Variants in BCL9 observed in about 807,000 individuals in gnomAD.
BCL9 encodes the protein BCL9 transcription coactivator.
BCL9 carries 25 observed loss-of-function variants against 88.5 expected under a neutral mutation model. The ratio of observed to expected loss-of-function variants is 0.28; its 90% CI spans 0.21 to 0.39. The LOEUF is 0.39. BCL9 is among the 10% of genes least tolerant of loss of function. The probability of loss-of-function intolerance (pLI) is 1.00; values close to 1 mark genes in which losing one functional copy is unlikely to be tolerated. For synonymous variants in BCL9, 711 were observed against 673.3 expected (o/e 1.06, Z -0.87); for missense variants, 1,817 against 1,877.8 (o/e 0.97, Z 0.60).
intron 4 of BCL9, among the ~76,000 whole-genome samples, chr1:147,612,239 G>A (rs781962440): frequency 2.0e-5 from 3 of 152,182 alleles, no homozygotes; most frequent in Admixed American, 6.5e-5. Context: ...GCCTAATGTC[G>A]TAGAACTAAA....
intron 1 of BCL9, among the ~76,000 whole-genome samples, chr1:147,603,255 C>T (rs1458125824): frequency 1.3e-5 from 2 of 152,144 alleles, no homozygotes; most frequent in African/African-American, 2.4e-5. Context: ...ATGCCTCTCT[C>T]CCTTTAGTGG....
chr1:147,624,584 C>T lies in BCL9; in HGVS notation c.3906C>T (p.Ile1302=), dbSNP rs782274473. Residue 1302 remains isoleucine, a synonymous_variant, in exon 10 of 10, where the codon ATC becomes ATT. Coordinates refer to ENST00000234739, the MANE Select transcript of BCL9 (RefSeq NM_004326.4). This position sits in a 1 kb window ranked among gnomAD's most constrained non-coding sequence, Gnocchi z 4.4. ...CAGGGCCAGTGGGAACTCCGGACAT[C>T]CCTCTTGGTACAGCTCCATCCATGC... ...GGPGPVGTPD[I]PLGTAPSMPG... The T allele has an allele frequency of 1.2e-6, 2 of 1,614,182 alleles. No individual in the cohort carries two copies. The highest frequency in any genetic ancestry group is 1.7e-6 in the Non-Finnish European group (2 of 1,180,040).
chr1:147,591,840 C>T (rs1360067669), intron 1 of BCL9, among the ~76,000 whole-genome samples: 1 of 152,154 alleles, frequency 6.6e-6, no homozygotes, highest in Non-Finnish European at 1.5e-5. Flanking sequence ...CCCTCCCACT[C>T]CCCAGAAATC....
chr1:147,584,399 A>G (rs1284899195), intron 1 of BCL9, among the ~76,000 whole-genome samples: 1 of 151,584 alleles, frequency 6.6e-6, no homozygotes, highest in African/African-American at 2.4e-5. Context: ...TTTTTTCTTC[A>G]ACTCTGGCCT....
Position 147,621,047 on chromosome 1 carries a change from T to C in BCL9, c.2892T>C (p.Asn964=), listed in dbSNP as rs201377986. The C allele has an allele frequency of 3.2e-5, 52 of 1,612,854 alleles. No homozygotes were observed. The African/African-American group carries it at 6.7e-4, about 21-fold the overall frequency. Residue 964 remains asparagine, a synonymous_variant, in exon 8 of 10, where the codon AAT becomes AAC. Transcript: ENST00000234739. ...LTMASPAMLG[N]VESGGPPPPT... The stretch of plus-strand genomic sequence containing the variant: ...TGGCCTCCCCAGCCATGCTGGGAAA[T>C]GTAGAGTCAGGTCAGTATGCTTGCA...
At chr1:147,560,890 C>T (rs969319009) in intron 1 of BCL9, among the ~76,000 whole-genome samples, 1 of 152,172 alleles carries the variant, frequency 6.6e-6, no homozygotes, top group African/African-American at 2.4e-5. Context: ...TAAATAACAA[C>T]AGGGACACCT....
At position 147,619,719 on chromosome 1, in the gene BCL9, C is replaced by T; in HGVS notation, c.1564C>T (p.Pro522Ser). 6.2e-7 allele frequency: 1 copy of T among 1,614,084 alleles called. No individual in the cohort carries two copies. The highest frequency in any genetic ancestry group is 8.5e-7 in the Non-Finnish European group (1 of 1,180,018). Reference sequence around the variant, plus strand: ...ACCCCCCCCTCCATACCAGATGACCCCTAGTGAAGGCTGGGCACCTGGGGG... The same window carrying T: ...ACCCCCCCCTCCATACCAGATGACCTCTAGTGAAGGCTGGGCACCTGGGGG... ...RGPPPPYQMT[P>S]SEGWAPGGTE... Residue 522 changes from proline to serine, a missense_variant, in exon 8 of 10, where the codon CCT (proline) becomes TCT (serine). Physicochemically the swap from Pro to Ser is moderately conservative, Grantham distance 74. Coordinates refer to ENST00000234739, the MANE Select transcript of BCL9 (RefSeq NM_004326.4). This position sits in a 1 kb window ranked among gnomAD's most constrained non-coding sequence, Gnocchi z 4.1.
intron 4 of BCL9, among the ~76,000 whole-genome samples, 165 bp downstream of exon 4, chr1:147,612,054 T>C (rs1553202690): frequency 2.0e-5 from 3 of 152,204 alleles, no homozygotes. Context: ...GTAAGCAGGA[T>C]ACAGTGTAAT....
At chr1:147,577,597 A>G (rs2101542610) in intron 1 of BCL9, among the ~76,000 whole-genome samples, 1 of 152,194 alleles carries the variant, frequency 6.6e-6, no homozygotes, top group Non-Finnish European at 1.5e-5. Context: ...TTGTGTCTCA[A>G]TTTTTGGCTT....
At chr1:147,573,259 C>T (rs372116862) in intron 1 of BCL9, among the ~76,000 whole-genome samples, 5 of 152,026 alleles carry the variant, frequency 3.3e-5, no homozygotes, top group African/African-American at 1.2e-4. Flanking sequence ...AAGACCAGCC[C>T]GACTAACATG....
chr1:147,590,385 C>A (rs1443856892), intron 1 of BCL9, among the ~76,000 whole-genome samples: 3 of 152,204 alleles, frequency 2.0e-5, no homozygotes, highest in African/African-American at 7.2e-5. Context: ...TCTTCATTTA[C>A]CTTTACATTG....
Position 147,613,172 on chromosome 1 carries a change from A to C in BCL9, c.343A>C (p.Thr115Pro). 10 of 1,614,074 alleles carry C rather than the reference A, an allele frequency of 6.2e-6. No individual in the cohort carries two copies. The highest frequency in any genetic ancestry group is 7.6e-6 in the Non-Finnish European group (9 of 1,179,998). Residue 115 changes from threonine (T) to proline (P), a missense_variant, in exon 5 of 10, where the codon ACT becomes CCT. Thr to Pro is a conservative substitution (Grantham distance 38). This residue lies in a region of BCL9 where 1,228 missense variants were observed against 1,191.6 expected (regional missense o/e 1.03). Transcript: ENST00000234739. ...CTCCTTTGATCAGAGAGATCCTGGGACTCCAAACGATGACTCTGACATTAA... is the reference window on the plus strand; with the variant it reads ...CTCCTTTGATCAGAGAGATCCTGGGCCTCCAAACGATGACTCTGACATTAA... ...ADSFDQRDPG[T>P]PNDDSDIKEC...
Position 147,625,074 on chromosome 1 carries a change from C to A in BCL9, c.*115C>A. ...TGGTCATGCAATAGGAGAACAGAGA[C>A]CCGAGGGCTGCTTTGGGGGAGGGGG... On this transcript the variant is annotated 3_prime_UTR_variant, in exon 10 of 10. Coordinates refer to ENST00000234739, the MANE Select transcript of BCL9 (RefSeq NM_004326.4). 7.6e-7 allele frequency: 1 copy of A among 1,310,658 alleles called. No homozygotes were observed. Among genetic ancestry groups the A allele is most frequent in the Non-Finnish European group, 1.0e-6 (1 of 984,032 alleles). 81.2% of individuals were successfully genotyped at this position (1,310,658 alleles called of 1,614,324 possible).
chr1:147,579,934 C>T (rs913059620), intron 1 of BCL9, among the ~76,000 whole-genome samples: 10 of 152,132 alleles, frequency 6.6e-5, no homozygotes, highest in Admixed American at 6.5e-5. Context: ...GTTTATTCCC[C>T]CTTTCATTCA....
chr1:147,556,111 T>C (rs1553195421), intron 1 of BCL9, among the ~76,000 whole-genome samples: 1 of 152,022 alleles, frequency 6.6e-6, no homozygotes, highest in African/African-American at 2.4e-5. Context: ...ATTATTTATT[T>C]ATTTACTTAT....
At chr1:147,588,452 A>T (rs1234790900) in intron 1 of BCL9, among the ~76,000 whole-genome samples, 2 of 152,206 alleles carry the variant, frequency 1.3e-5, no homozygotes, top group Non-Finnish European at 2.9e-5. Context: ...CATTTACAGA[A>T]ATATGAAATA....
intron 1 of BCL9, among the ~76,000 whole-genome samples, chr1:147,560,270 A>T (rs1200711991): frequency 1.3e-5 from 2 of 151,940 alleles, no homozygotes; most frequent in Admixed American, 6.6e-5. Context: ...ATCTTTCAGG[A>T]GGGGAGTCTT....
intron 1 of BCL9, among the ~76,000 whole-genome samples, chr1:147,585,639 G>C (rs1433415594): frequency 6.6e-5 from 10 of 152,226 alleles, no homozygotes; most frequent in African/African-American, 2.2e-4. Flanking sequence ...CAACCTCAAA[G>C]TTAGTACCGG....
chr1:147,584,673 T>A (rs1656521001), intron 1 of BCL9, among the ~76,000 whole-genome samples: 1 of 152,236 alleles, frequency 6.6e-6, no homozygotes, highest in East Asian at 1.9e-4. Context: ...ATTTTCAGAC[T>A]TATGTCTTGT....
Sources: allele counts gnomAD v4.1 joint callset (sites outside exome capture counted in the v4.1 genomes callset), GRCh38; gene constraint gnomAD v4.1.1; regional missense constraint gnomAD v4.1.1; non-coding constraint Gnocchi (gnomAD v3.1); transcripts MANE v1.5; gene names NCBI Gene and HGNC (gene_info 2026-07-23, HGNC 2026-07-21).